Variants in ERCC5 observed in about 807,000 individuals in gnomAD.
ERCC5 encodes the protein ERCC excision repair 5, endonuclease, also known as DNA excision repair protein ERCC-5.
Under a neutral mutation model 105.6 loss-of-function variants are expected in ERCC5, and 68 were observed. The observed-to-expected ratio is 0.64, with a 90% CI of 0.53 to 0.79. The LOEUF is 0.79. ERCC5 is among the 30% of genes least tolerant of loss of function. The probability of loss-of-function intolerance (pLI) is 0.00; values close to 1 mark genes in which losing one functional copy is unlikely to be tolerated. For missense variants in ERCC5, 1,373 were observed against 1,426.7 expected (o/e 0.96, Z 0.61); for synonymous variants, 546 against 526.2 (o/e 1.04, Z -0.51).
intron 11 of ERCC5, among the ~76,000 whole-genome samples, chr13:102,867,080 G>C (rs2140533014): frequency 7.8e-6 from 1 of 128,586 alleles, no homozygotes; most frequent in Admixed American, 7.9e-5. Context: ...GTTAAACTTT[G>C]ACTAGTTACC....
rs1037597400 is a variant in ERCC5, at chr13:102,853,938, C to T, written c.380+66C>T. The T allele has an allele frequency of 1.4e-5, 20 of 1,443,106 alleles. No homozygotes were observed. In the African/African-American group the frequency reaches 2.5e-4, roughly 18 times the overall value. The allele number at this position is 1,443,106 out of a possible 1,614,324, so 89.4% of individuals were successfully genotyped here. On this transcript the variant is annotated intron_variant, in intron 3 of 14. Transcript: ENST00000652225. Reference sequence around the variant, plus strand: ...AAAAAGTGATTTTTGTCTTGATTTCCTGCGATTCTCTTTCCCTATCTAATT... The same window carrying T: ...AAAAAGTGATTTTTGTCTTGATTTCTTGCGATTCTCTTTCCCTATCTAATT...
intron 1 of ERCC5, chr13:102,849,328 A>G (rs1236902429): frequency 1.9e-6 from 1 of 518,928 alleles, no homozygotes; most frequent in South Asian, 1.4e-5. Context: ...TCCTTAAATC[A>G]TGTTCTAGAA....
chr13:102,857,347 T>A (rs998386197), intron 5 of ERCC5, among the ~76,000 whole-genome samples: 2 of 152,200 alleles, frequency 1.3e-5, no homozygotes, highest in African/African-American at 4.8e-5. Context: ...ACAGATTAAA[T>A]TCTCCAAGGC....
chr13:102,868,034 C>A, intron 11 of ERCC5, 79 bp from the exon 12 acceptor site: 1 of 1,393,746 alleles, frequency 7.2e-7, no homozygotes, highest in South Asian at 1.3e-5. Flanking sequence ...TACACACGTA[C>A]ATGATTTATA....
At chr13:102,860,684 G>A (rs936267548) in intron 6 of ERCC5, among the ~76,000 whole-genome samples, 3 of 152,164 alleles carry the variant, frequency 2.0e-5, no homozygotes, top group Non-Finnish European at 4.4e-5. Context: ...TTATAAAATG[G>A]AGGTGATATC....
intron 11 of ERCC5, 140 bp from the exon 12 acceptor site, chr13:102,867,973 T>A (rs1882899909): frequency 1.1e-6 from 1 of 877,502 alleles, no homozygotes; most frequent in Non-Finnish European, 1.7e-6. Context: ...AATAAAATAA[T>A]TTATTTTCAA....
Position 102,866,693 on chromosome 13 carries a change from G to T in ERCC5, c.2381G>T (p.Cys794Phe), listed in dbSNP as rs763059893. 1 of 1,614,222 alleles carries T rather than the reference G, an allele frequency of 6.2e-7. No individual in the cohort carries two copies. The highest frequency in any genetic ancestry group is 8.5e-7 in the Non-Finnish European group (1 of 1,180,036). ...GCTCCCATGGAAGCAGAGGCGCAGT[G>T]CGCCATCCTGGACCTGACTGATCAG... is the stretch of plus-strand genomic sequence containing the variant. ...IQAPMEAEAQ[C>F]AILDLTDQTS... The change falls in exon 11 of 15, where the codon TGC becomes TTC. Residue 794 changes from cysteine (C) to phenylalanine (F), a missense_variant. Physicochemically the swap from Cys to Phe is radical, Grantham distance 205. Transcript: ENST00000652225.
At chr13:102,852,402 CTT>C (rs1389513092) in intron 2 of ERCC5, 109 bp downstream of exon 2, 9 of 1,245,538 alleles carry the variant, frequency 7.2e-6, no homozygotes, top group Non-Finnish European at 1.0e-5. Context: ...TAGAAACAGA[CTT>C]ATTTTGACAC....
At chr13:102,849,579 A>T (rs11302962) in intron 1 of ERCC5, 2 of 338,054 alleles carry the variant, frequency 5.9e-6, no homozygotes, top group Non-Finnish European at 1.1e-5. Context: ...ATGGACCTAC[A>T]TTTTTTTTTA....
intron 5 of ERCC5, 115 bp downstream of exon 5, chr13:102,856,227 C>A: frequency 9.0e-7 from 1 of 1,111,586 alleles, no homozygotes; most frequent in Non-Finnish European, 1.3e-6. Flanking sequence ...AAAGTAAAGA[C>A]AGATGGCTTT....
rs886044319 is a variant in ERCC5, at chr13:102,868,258, G to A, written c.2678+1G>A. 1.4e-5 allele frequency: 22 copies of A among 1,614,068 alleles called. No individual in the cohort carries two copies. Among genetic ancestry groups the A allele is most frequent in the Non-Finnish European group, 1.8e-5 (21 of 1,180,000 alleles). ...GCCTGGAACCTCTCCTAAAATTCTC[G>A]TAAGGTCTTTTATTTCTTTAATTTG... On this transcript the variant is annotated splice_donor_variant, in intron 12 of 14. Transcript: ENST00000652225. LOFTEE classifies it high-confidence loss of function.
intron 2 of ERCC5, among the ~76,000 whole-genome samples, chr13:102,853,419 CTG>C (rs2140518463): frequency 6.6e-6 from 1 of 152,294 alleles, no homozygotes; most frequent in African/African-American, 2.4e-5. Context: ...TTTGGTGTCA[CTG>C]TGACATTTTA....
At chr13:102,854,177 C>A in intron 3 of ERCC5, 111 bp from the exon 4 acceptor site, 4 of 1,166,770 alleles carry the variant, frequency 3.4e-6, no homozygotes, top group East Asian at 2.4e-5. Flanking sequence ...TCCTTTCTCT[C>A]GGCTGCATTT....
At chr13:102,871,606 C>T (rs894277447) in intron 12 of ERCC5, among the ~76,000 whole-genome samples, 2 of 62,238 alleles carry the variant, frequency 3.2e-5, no homozygotes, top group Admixed American at 4.4e-4. Context: ...ATTTGTTTTA[C>T]ATACATATGT....
At chr13:102,864,020 G>A (rs1364703507) in intron 8 of ERCC5, among the ~76,000 whole-genome samples, 1 of 151,968 alleles carries the variant, frequency 6.6e-6, no homozygotes, top group Non-Finnish European at 1.5e-5. Context: ...ATATGCATAT[G>A]TGTGTATATG....
At chr13:102,847,688 G>GT (rs1256489885) in intron 1 of ERCC5, among the ~76,000 whole-genome samples, 2 of 152,036 alleles carry the variant, frequency 1.3e-5, no homozygotes, top group Non-Finnish European at 2.9e-5. Context: ...GTTTTGTTTT[G>GT]TTTTTTGTTT....
rs537954685 is a variant in ERCC5 at position 102,869,488 on chromosome 13, G to A, written c.2678+1231G>A. 1.7e-3 allele frequency among the ~76,000 whole-genome samples: 256 copies of A among 152,032 alleles called. 4 individuals are homozygous for A. Among genetic ancestry groups the A allele is most frequent in the South Asian group, 0.013 (63 of 4,808 alleles). ...ATATGCATATACATTGCATATATAT[G>A]TATACTCATTTGAGTGTGTGTATGA... is the stretch of plus-strand genomic sequence containing the variant. On this transcript the variant is annotated intron_variant, in intron 12 of 14. Coordinates refer to ENST00000652225, the MANE Select transcript of ERCC5 (RefSeq NM_000123.4).
intron 9 of ERCC5, 150 bp downstream of exon 9, chr13:102,866,061 G>T: frequency 1.3e-6 from 2 of 1,514,262 alleles, no homozygotes; most frequent in Non-Finnish European, 1.8e-6. Context: ...TAGGTTACTG[G>T]CTGGGATAGA....
At position 102,859,544 on chromosome 13, in the gene ERCC5, G is replaced by T. The variant is rs925161348; in HGVS notation, c.672+1126G>T. On this transcript the variant is annotated intron_variant, in intron 6 of 14. Coordinates refer to ENST00000652225, the MANE Select transcript of ERCC5 (RefSeq NM_000123.4). The stretch of plus-strand genomic sequence containing the variant: ...AGTATGAAAGGATCTCTGGCTGGCA[G>T]TTGAGGAAGTAGAATTTTGGTTGTG... Among the ~76,000 whole-genome samples, 19 of 152,242 alleles carry T rather than the reference G, an allele frequency of 1.2e-4. 1 individual carries two copies. The highest frequency in any genetic ancestry group is 2.9e-5 in the Non-Finnish European group (2 of 68,042).
Sources: gnomAD v4.1 joint callset for allele counts (sites outside exome capture counted in the v4.1 genomes callset) on GRCh38, gnomAD v4.1.1 for gene constraint, MANE v1.5 for transcripts, NCBI Gene and HGNC (gene_info 2026-07-23, HGNC 2026-07-21) for gene names.